The following TLE4 variants were observed in gnomAD, a reference collection of about 807,000 sequenced individuals.
TLE4 encodes the protein transducin-like enhancer protein 4.
Under a neutral mutation model 92.8 loss-of-function variants are expected in TLE4, and 8 were observed. The ratio of observed to expected loss-of-function variants is 0.09; its 90% CI spans 0.05 to 0.16. The LOEUF (loss-of-function observed/expected upper bound fraction) is 0.16. Ranked by LOEUF, TLE4 falls within the 10% of genes least tolerant of loss-of-function variation. The pLI is 1.00. For synonymous variants in TLE4, 371 were observed against 374.1 expected, an observed-to-expected ratio of 0.99 and a Z score of 0.10; for missense variants, 675 against 997.6, an observed-to-expected ratio of 0.68 and a Z score of 4.36.
chr9:79,652,103 T>TACC (rs2059108614), intron 6 of TLE4, among the ~76,000 whole-genome samples: 4 of 151,686 alleles, frequency 2.6e-5, no homozygotes, highest in Non-Finnish European at 5.9e-5. Flanking sequence ...GTAGCATTTA[T>TACC]TGACTACACA....
intron 1 of TLE4, 69 bp from the exon 2 acceptor site, chr9:79,573,620 T>TA: frequency 7.6e-7 from 1 of 1,318,222 alleles, no homozygotes; most frequent in Non-Finnish European, 1.1e-6. Flanking sequence ...CGCCGCATAG[T>TA]AGGTTTTCTC....
rs368229890 is a variant in TLE4 at position 79,700,152 on chromosome 9, CAGCCCGTGGGG to C, written c.610-4630_610-4620del. On this transcript the variant is annotated intron_variant, in intron 8 of 19. Transcript: ENST00000376552. Reference sequence around the variant, plus strand: ...GGATTATTTTTCTTGGTCTTCAAAGCAGCCCGTGGGGCTGAGAATGGTGTGTTGTTACCCCA... The same window carrying C: ...GGATTATTTTTCTTGGTCTTCAAAGCCTGAGAATGGTGTGTTGTTACCCCA... Among the ~76,000 whole-genome samples, 948 of 152,272 alleles carry C rather than the reference CAGCCCGTGGGG, an allele frequency of 6.2e-3. 11 individuals are homozygous for C. Among genetic ancestry groups the C allele is most frequent in the African/African-American group, 0.021 (856 of 41,550 alleles).
intron 16 of TLE4, among the ~76,000 whole-genome samples, chr9:79,721,328 G>A (rs541661086): frequency 3.3e-5 from 5 of 152,146 alleles, no homozygotes; most frequent in African/African-American, 4.8e-5. Flanking sequence ...TGGTCCTGTC[G>A]CTCCCTGTGC....
At chr9:79,697,697 AT>A (rs1207125549) in intron 8 of TLE4, among the ~76,000 whole-genome samples, 1 of 152,244 alleles carries the variant, frequency 6.6e-6, no homozygotes, top group African/African-American at 2.4e-5. Flanking sequence ...TTTAAAATCA[AT>A]TTTATTGATA....
intron 14 of TLE4, among the ~76,000 whole-genome samples, chr9:79,711,326 A>AGTT (rs1333561509): frequency 3.0e-5 from 1 of 33,046 alleles, no homozygotes; most frequent in East Asian, 7.4e-4. Context: ...TTTTGCAAAT[A>AGTT]GTTGTTGACT....
chr9:79,658,952 C>T (rs896357912), intron 8 of TLE4, among the ~76,000 whole-genome samples: 1 of 152,182 alleles, frequency 6.6e-6, no homozygotes, highest in Non-Finnish European at 1.5e-5. Context: ...TAATTAAGGG[C>T]TGTAACACTT....
At chr9:79,572,981 C>T in intron 1 of TLE4, 146 bp downstream of exon 1, 1 of 826,660 alleles carries the variant, frequency 1.2e-6, no homozygotes, top group Non-Finnish European at 1.8e-6. Flanking sequence ...GCCCGCCCGC[C>T]ATCACCCCCA....
chr9:79,657,809 A>T (rs1278757561), intron 8 of TLE4, among the ~76,000 whole-genome samples: 1 of 152,208 alleles, frequency 6.6e-6, no homozygotes, highest in Non-Finnish European at 1.5e-5. Context: ...CTTAAATATA[A>T]GTCGCAAAAT....
chr9:79,621,043 A>G (rs950406899), intron 5 of TLE4, among the ~76,000 whole-genome samples: 1 of 152,206 alleles, frequency 6.6e-6, no homozygotes, highest in Non-Finnish European at 1.5e-5. Context: ...GGGAATTACA[A>G]TTCAATGTGA....
intron 4 of TLE4, among the ~76,000 whole-genome samples, chr9:79,585,540 G>A (rs971398989): frequency 1.3e-5 from 2 of 152,138 alleles, no homozygotes; most frequent in African/African-American, 4.8e-5. Flanking sequence ...TACCTTTAAG[G>A]GCCATGCTTT....
At chr9:79,649,743 G>C in intron 6 of TLE4, 5 of 1,241,276 alleles carry the variant, frequency 4.0e-6, no homozygotes, top group Non-Finnish European at 5.4e-6. Context: ...TGAATGTCAT[G>C]TATAACTATG....
intron 8 of TLE4, among the ~76,000 whole-genome samples, chr9:79,690,857 A>G (rs921481743): frequency 7.1e-6 from 1 of 140,626 alleles, no homozygotes; most frequent in Non-Finnish European, 1.5e-5. Flanking sequence ...TCTGGTCTCG[A>G]ACTCTTGGAC....
chr9:79,572,954 G>C (rs1587524819), intron 1 of TLE4, 119 bp downstream of exon 1: 1 of 1,123,564 alleles, frequency 8.9e-7, no homozygotes, highest in Admixed American at 3.2e-5. Flanking sequence ...CGAAATCGGC[G>C]CCCCGCGCCG....
intron 1 of TLE4, chr9:79,573,308 C>T (rs540095003): frequency 9.6e-7 from 1 of 1,042,986 alleles, no homozygotes; most frequent in Non-Finnish European, 1.2e-6. Context: ...CCCTCCTCCC[C>T]CGGCCTGACC....
At chr9:79,704,559 C>T in intron 8 of TLE4, 2 of 533,002 alleles carry the variant, frequency 3.8e-6, no homozygotes, top group Non-Finnish European at 6.5e-6. Flanking sequence ...CTCGTTTTTT[C>T]TTTCTTTCCC....
At position 79,688,172 on chromosome 9, in the gene TLE4, T is replaced by C. The variant is rs111412948; in HGVS notation, c.610-16611T>C. On this transcript the variant is annotated intron_variant, in intron 8 of 19. Transcript: ENST00000376552. ...TCACAGTATACTTCGTGCTGTCCTA[T>C]AGTGCTTATAAGGACCTGCCATCTG... Among the ~76,000 whole-genome samples, 11 of 152,322 alleles carry C rather than the reference T, an allele frequency of 7.2e-5. 1 individual carries two copies. Among genetic ancestry groups the C allele is most frequent in the African/African-American group, 2.6e-4 (11 of 41,578 alleles).
At position 79,724,922 on chromosome 9, in the gene TLE4, C is replaced by G. The variant is rs186788613; in HGVS notation, c.2215-115C>G. 327 of 494,632 alleles carry G rather than the reference C, an allele frequency of 6.6e-4. 1 individual carries two copies. Among genetic ancestry groups the G allele is most frequent in the African/African-American group, 6.1e-3 (284 of 46,408 alleles). The allele number at this position is 494,632 out of a possible 1,614,324, so 30.6% of individuals were successfully genotyped here. A position where few individuals can be genotyped will look rare whatever the true frequency, so the allele number is the denominator to read the frequency against. Reference sequence around the variant, plus strand: ...ATGACCACCTTTCACCTTTCCTTGACTGGGCTTTCTGTTTGGTCAAGGAGC... The same window carrying G: ...ATGACCACCTTTCACCTTTCCTTGAGTGGGCTTTCTGTTTGGTCAAGGAGC... On this transcript the variant is annotated intron_variant, in intron 19 of 19. Transcript: ENST00000376552.
intron 8 of TLE4, among the ~76,000 whole-genome samples, chr9:79,699,508 C>A (rs1338178350): frequency 6.6e-6 from 1 of 152,158 alleles, no homozygotes; most frequent in Non-Finnish European, 1.5e-5. Context: ...CTTGCAATTA[C>A]CCTTGACATA....
chr9:79,625,265 C>T (rs958767625), intron 5 of TLE4, among the ~76,000 whole-genome samples: 5 of 151,642 alleles, frequency 3.3e-5, no homozygotes, highest in Non-Finnish European at 7.4e-5. Flanking sequence ...GTGATCCGCC[C>T]GCCTCGGCCT....
Sources: allele counts gnomAD v4.1 joint callset (sites outside exome capture counted in the v4.1 genomes callset), GRCh38; gene constraint gnomAD v4.1.1; transcripts MANE v1.5; gene names NCBI Gene and HGNC (gene_info 2026-07-23, HGNC 2026-07-21).